The following ANK3 variants were observed in gnomAD, a reference collection of about 807,000 sequenced individuals.
The protein encoded by ANK3 is ankyrin-3.
A neutral mutation model predicts 370.9 loss-of-function variants in ANK3; 57 were observed. That is an observed-to-expected ratio of 0.15 (90% CI 0.12 to 0.19). ANK3 has a LOEUF of 0.19. Ranked by LOEUF, ANK3 falls within the 10% of genes least tolerant of loss-of-function variation. ANK3 has a pLI of 1.00. For missense variants in ANK3, 4,439 were observed against 5,302.1 expected (o/e 0.84, Z 5.06); for synonymous variants, 1,929 against 1,946.3 (o/e 0.99, Z 0.23).
At chr10:60,616,050 T>A (rs1280039269) in intron 1 of ANK3, among the ~76,000 whole-genome samples, 1 of 152,174 alleles carries the variant, frequency 6.6e-6, no homozygotes, top group East Asian at 1.9e-4. Flanking sequence ...TGTGTACATT[T>A]CATTCGACTC....
chr10:60,250,328 G>T (rs1355758904), intron 7 of ANK3, among the ~76,000 whole-genome samples: 1 of 152,164 alleles, frequency 6.6e-6, no homozygotes, highest in Non-Finnish European at 1.5e-5. Context: ...CAGTTGAGAG[G>T]TCTTGACTTA....
At chr10:60,440,220 C>T (rs2064265468) in intron 2 of ANK3, among the ~76,000 whole-genome samples, 1 of 152,120 alleles carries the variant, frequency 6.6e-6, no homozygotes, top group Admixed American at 6.5e-5. Flanking sequence ...GGTCTCAGAG[C>T]AGCTGTACGA....
chr10:60,725,488 C>CCCAT (rs940796188), intron 1 of ANK3, among the ~76,000 whole-genome samples: 2 of 152,126 alleles, frequency 1.3e-5, no homozygotes, highest in Non-Finnish European at 2.9e-5. Context: ...AACAGCAGCC[C>CCCAT]CCATCTGTGC....
chr10:60,193,916 T>C (rs930513128), intron 16 of ANK3, among the ~76,000 whole-genome samples: 3 of 151,728 alleles, frequency 2.0e-5, no homozygotes, highest in African/African-American at 7.3e-5. Flanking sequence ...AGGTTGCGAG[T>C]TTGAGACTAA....
At chr10:60,358,879 A>T (rs1449380584) in intron 1 of ANK3, among the ~76,000 whole-genome samples, 1 of 152,000 alleles carries the variant, frequency 6.6e-6, no homozygotes. Flanking sequence ...TTAGTAATTC[A>T]GATTATAACT....
Position 60,075,544 on chromosome 10 carries a change from C to T in ANK3, c.5337G>A (p.Arg1779=). The T allele has an allele frequency of 1.2e-6, 2 of 1,613,956 alleles. No individual in the cohort carries two copies. The highest frequency in any genetic ancestry group is 1.7e-6 in the Non-Finnish European group (2 of 1,179,992). ...TTTAMPFSPL[R]SYVSAAPSAF... is the part of the protein sequence containing the mutation. ...CTGATGGTGCTGCAGAAACATATGA[C>T]CTGAGTGGGGAAAATGGCATTGCAG... The change falls in exon 37 of 44, where the codon AGG becomes AGA. Residue 1779 remains arginine (R), a synonymous_variant. Transcript: ENST00000280772.
chr10:60,111,642 A>G (rs906982578), intron 26 of ANK3: 3 of 411,820 alleles, frequency 7.3e-6, no homozygotes, highest in South Asian at 1.8e-5. Flanking sequence ...ATGCTGATAT[A>G]CTACAGACAT....
At chr10:60,609,520 A>AGG (rs2078174368) in intron 2 of ANK3, among the ~76,000 whole-genome samples, 1 of 128,838 alleles carries the variant, frequency 7.8e-6, no homozygotes, top group African/African-American at 2.8e-5. Flanking sequence ...TCTACCACAA[A>AGG]GGGGACTTCT....
intron 21 of ANK3, among the ~76,000 whole-genome samples, chr10:60,168,166 C>T (rs2095674290): frequency 6.6e-6 from 1 of 152,168 alleles, no homozygotes; most frequent in South Asian, 2.1e-4. Context: ...GCTGGGATTA[C>T]AGACGTGCAT....
rs148157906 is a variant in ANK3, at chr10:60,159,987, A to C, written c.2614+6604T>G. On this transcript the variant is annotated intron_variant, in intron 23 of 43. Transcript: ENST00000280772. ...AAAAGCAGGGAAACTTTGAATAAAC[A>C]ACTGAATGAGGCAGCTTATAGAATT... is the stretch of plus-strand genomic sequence containing the variant. Among the ~76,000 whole-genome samples the C allele has an allele frequency of 2.1e-3, 324 of 152,254 alleles. 3 individuals carry two copies. The highest frequency in any genetic ancestry group is 7.5e-3 in the African/African-American group (312 of 41,566).
chr10:60,266,450 T>C (rs2097881204), intron 5 of ANK3, among the ~76,000 whole-genome samples: 1 of 152,092 alleles, frequency 6.6e-6, no homozygotes, highest in African/African-American at 2.4e-5. Flanking sequence ...AAAGGAAAAT[T>C]GTGTTTTGAG....
At position 60,070,745 on chromosome 10, in the gene ANK3, T is replaced by C; in HGVS notation, c.10136A>G (p.Gln3379Arg). The part of the protein sequence containing the change: ...NEFGLGLDSP[Q>R]NEIAQNGNND... ...GTTCCCATTCTGGGCAATTTCATTC[T>C]GAGGTGAATCAAGGCCAAGGCCAAA... is the stretch of plus-strand genomic sequence containing the variant. The change falls in exon 37 of 44, where the codon CAG (glutamine) becomes CGG (arginine). Residue 3379 changes from glutamine (Q) to arginine (R), a missense_variant. By Grantham distance (43) the Gln-to-Arg change is conservative. Coordinates refer to ENST00000280772, the MANE Select transcript of ANK3 (RefSeq NM_020987.5). This position sits in a 1 kb window ranked among gnomAD's most constrained non-coding sequence, Gnocchi z 5.7. The C allele has an allele frequency of 6.2e-7, 1 of 1,614,228 alleles. No homozygotes were observed. Among genetic ancestry groups the C allele is most frequent in the Non-Finnish European group, 8.5e-7 (1 of 1,180,030 alleles).
intron 1 of ANK3, among the ~76,000 whole-genome samples, chr10:60,328,508 T>C (rs10740023): frequency 0.71 from 108,196 of 152,062 alleles, 39,397 homozygotes; most frequent in South Asian, 0.92. Context: ...AATGTTTATG[T>C]ACCTCTACAC....
chr10:60,092,246 T>C (rs2132040088), intron 28 of ANK3, among the ~76,000 whole-genome samples: 1 of 152,260 alleles, frequency 6.6e-6, no homozygotes, highest in East Asian at 1.9e-4. Flanking sequence ...GGTTGTTTTG[T>C]TGTTCATTAC....
intron 2 of ANK3, among the ~76,000 whole-genome samples, chr10:60,559,957 C>A (rs1010949962): frequency 6.6e-6 from 1 of 151,986 alleles, no homozygotes; most frequent in Admixed American, 6.6e-5. Flanking sequence ...GCAGGAGAAT[C>A]GCTTGAACCT....
intron 42 of ANK3, among the ~76,000 whole-genome samples, chr10:60,053,218 G>C (rs921950643): frequency 2.0e-5 from 3 of 152,214 alleles, no homozygotes; most frequent in Non-Finnish European, 2.9e-5. Flanking sequence ...AAAGGAATCT[G>C]TGTTGACGAA....
At chr10:60,687,203 CTG>C (rs2079279844) in intron 1 of ANK3, among the ~76,000 whole-genome samples, 1 of 152,182 alleles carries the variant, frequency 6.6e-6, no homozygotes, top group Admixed American at 6.5e-5. Flanking sequence ...CAACACACAA[CTG>C]TATATATCGC....
chr10:60,596,969 CTATT>C (rs2077996095), intron 2 of ANK3, among the ~76,000 whole-genome samples: 2 of 152,038 alleles, frequency 1.3e-5, no homozygotes, highest in Admixed American at 6.6e-5. Flanking sequence ...TATAGAAAGA[CTATT>C]TACATAAAAA....
At chr10:60,334,789 G>C (rs1444667361) in intron 1 of ANK3, among the ~76,000 whole-genome samples, 1 of 151,924 alleles carries the variant, frequency 6.6e-6, no homozygotes, top group Non-Finnish European at 1.5e-5. Context: ...GCATCTTATG[G>C]GCATAAAAAT....
Sources: allele counts gnomAD v4.1 joint callset (sites outside exome capture counted in the v4.1 genomes callset), GRCh38; gene constraint gnomAD v4.1.1; non-coding constraint Gnocchi (gnomAD v3.1); transcripts MANE v1.5; gene names NCBI Gene and HGNC (gene_info 2026-07-23, HGNC 2026-07-21).